Variants in CNTN4 observed in about 807,000 individuals in gnomAD.
CNTN4 encodes the protein contactin 4, also known as contactin-4.
A neutral mutation model predicts 122.5 loss-of-function variants in CNTN4; 77 were observed. The ratio of observed to expected loss-of-function variants is 0.63; its 90% CI spans 0.52 to 0.76. The LOEUF (loss-of-function observed/expected upper bound fraction) is 0.76, where lower values mean the gene tolerates loss of function less well. CNTN4 is among the 30% of genes least tolerant of loss of function. The pLI is 0.00. For missense variants in CNTN4, 1,256 were observed against 1,259.1 expected, an observed-to-expected ratio of 1.00 and a Z score of 0.04; for synonymous variants, 512 against 447.0, an observed-to-expected ratio of 1.15 and a Z score of -1.83.
At chr3:2,760,663 C>T (rs1272119607) in intron 6 of CNTN4, among the ~76,000 whole-genome samples, 4 of 152,176 alleles carry the variant, frequency 2.6e-5, no homozygotes, top group Admixed American at 1.3e-4. Context: ...ATGCTCACAT[C>T]GCATGAGCTA....
chr3:2,350,974 G>A (rs1028284613), intron 3 of CNTN4, among the ~76,000 whole-genome samples: 1 of 152,138 alleles, frequency 6.6e-6, no homozygotes. Flanking sequence ...GATATAGTCT[G>A]CAATGAAAAT....
At chr3:2,245,471 C>T (rs958814048) in intron 2 of CNTN4, among the ~76,000 whole-genome samples, 3 of 152,002 alleles carry the variant, frequency 2.0e-5, no homozygotes, top group Non-Finnish European at 2.9e-5. Context: ...AAGGCAATGA[C>T]AGTGTGTACA....
At chr3:2,903,277 C>T (rs2094194775) in intron 12 of CNTN4, among the ~76,000 whole-genome samples, 1 of 152,204 alleles carries the variant, frequency 6.6e-6, no homozygotes, top group South Asian at 2.1e-4. Context: ...CTAAATTGAG[C>T]AAAGTTTTTG....
At chr3:2,563,406 T>G (rs2079036075) in intron 3 of CNTN4, among the ~76,000 whole-genome samples, 1 of 152,256 alleles carries the variant, frequency 6.6e-6, no homozygotes, top group South Asian at 2.1e-4. Flanking sequence ...CTTCAAGGTT[T>G]TTTTAAAGAT....
intron 3 of CNTN4, among the ~76,000 whole-genome samples, chr3:2,519,408 G>C (rs1162521520): frequency 1.3e-5 from 2 of 152,198 alleles, no homozygotes; most frequent in African/African-American, 2.4e-5. Context: ...AGTAGGTCCA[G>C]AGGCTTATCC....
intron 3 of CNTN4, among the ~76,000 whole-genome samples, chr3:2,455,624 A>T (rs535348306): frequency 6.6e-6 from 1 of 152,256 alleles, no homozygotes; most frequent in South Asian, 2.1e-4. Flanking sequence ...TTTGTCAGTG[A>T]TGGAGGAAGG....
chr3:2,945,647 C>G (rs1010160133), intron 13 of CNTN4, among the ~76,000 whole-genome samples: 5 of 152,126 alleles, frequency 3.3e-5, no homozygotes, highest in Non-Finnish European at 5.9e-5. Context: ...GAAAGCAAAT[C>G]TGAAGAAAAT....
At position 2,900,806 on chromosome 3, in the gene CNTN4, A is replaced by C; in HGVS notation, c.1062A>C (p.Glu354Asp). 2 of 1,613,908 alleles carry C rather than the reference A, an allele frequency of 1.2e-6. No individual in the cohort carries two copies. The highest frequency in any genetic ancestry group is 1.7e-6 in the Non-Finnish European group (2 of 1,179,782). Reference protein sequence around the residue: ...KPTYKWLKNGEPLLTRDRIQI... With the variant: ...KPTYKWLKNGDPLLTRDRIQI... ...CATACAAGTGGCTAAAAAATGGCGA[A>C]CCTCTGCTAACTCGGGTAAGCAAGT... is the stretch of plus-strand genomic sequence containing the variant. The change falls in exon 11 of 25, where the codon GAA becomes GAC. Residue 354 changes from glutamate to aspartate, a missense_variant. Coordinates refer to ENST00000418658, the MANE Select transcript of CNTN4 (RefSeq NM_175607.3).
chr3:2,791,927 C>T (rs78316811), intron 6 of CNTN4, among the ~76,000 whole-genome samples: 9,330 of 152,146 alleles, frequency 0.061, 345 homozygotes, highest in South Asian at 0.088. Flanking sequence ...CCCTTGTCAT[C>T]GGATTTAGGG....
chr3:2,763,801 G>A (rs938023372), intron 6 of CNTN4, among the ~76,000 whole-genome samples: 13 of 152,110 alleles, frequency 8.5e-5, no homozygotes, highest in African/African-American at 2.9e-4. Context: ...CAGGTGTGCA[G>A]TCTTATTTCT....
intron 7 of CNTN4, among the ~76,000 whole-genome samples, chr3:2,821,862 C>T (rs1411434585): frequency 6.6e-6 from 1 of 152,208 alleles, no homozygotes; most frequent in Non-Finnish European, 1.5e-5. Flanking sequence ...TGACTTTCCA[C>T]ATGTTTAAAA....
chr3:3,046,316 C>T (rs1383362680), intron 23 of CNTN4, among the ~76,000 whole-genome samples: 2 of 152,094 alleles, frequency 1.3e-5, no homozygotes, highest in South Asian at 2.1e-4. Flanking sequence ...AACTCCAAGA[C>T]ACATAATTGT....
intron 1 of CNTN4, among the ~76,000 whole-genome samples, chr3:2,100,352 A>T (rs1463079382): frequency 6.6e-6 from 1 of 152,226 alleles, no homozygotes; most frequent in Non-Finnish European, 1.5e-5. Flanking sequence ...GTAACTCCAC[A>T]TAACTGAGTC....
chr3:2,604,939 C>T (rs1321354063), intron 4 of CNTN4, among the ~76,000 whole-genome samples: 1 of 152,122 alleles, frequency 6.6e-6, no homozygotes. Context: ...TATTGTTAAT[C>T]ATATGCTCTA....
intron 4 of CNTN4, among the ~76,000 whole-genome samples, chr3:2,650,968 G>A (rs1275128386): frequency 1.3e-5 from 2 of 152,076 alleles, no homozygotes; most frequent in Non-Finnish European, 2.9e-5. Flanking sequence ...TAGGCTGGAG[G>A]TATCTTAAAG....
intron 2 of CNTN4, among the ~76,000 whole-genome samples, chr3:2,203,794 T>C (rs1055404694): frequency 2.0e-5 from 3 of 152,118 alleles, no homozygotes; most frequent in Admixed American, 1.3e-4. Context: ...GCCCAACTAA[T>C]GCTGTATGAT....
chr3:2,964,634 A>G (rs1300422783), intron 13 of CNTN4, among the ~76,000 whole-genome samples: 1 of 152,174 alleles, frequency 6.6e-6, no homozygotes, highest in Non-Finnish European at 1.5e-5. Context: ...CCTCAAACCA[A>G]ACTTTAAGTA....
chr3:2,437,141 T>C (rs2048284985), intron 3 of CNTN4, among the ~76,000 whole-genome samples: 1 of 152,144 alleles, frequency 6.6e-6, no homozygotes, highest in Non-Finnish European at 1.5e-5. Context: ...TGCCAGTGGA[T>C]CCTGTTCATT....
At chr3:2,870,059 T>G (rs17021541) in intron 8 of CNTN4, among the ~76,000 whole-genome samples, 4,184 of 152,286 alleles carry the variant, frequency 0.027, 206 homozygotes, top group African/African-American at 0.095. Context: ...TAATTACATA[T>G]TGACTTTGAT....
Sources: gnomAD v4.1 joint callset for allele counts (sites outside exome capture counted in the v4.1 genomes callset) on GRCh38, gnomAD v4.1.1 for gene constraint, MANE v1.5 for transcripts, NCBI Gene and HGNC (gene_info 2026-07-23, HGNC 2026-07-21) for gene names.